The following INO80 variants were observed in gnomAD, a reference collection of about 807,000 sequenced individuals.
The protein encoded by INO80 is chromatin-remodeling ATPase INO80.
INO80 carries 20 observed loss-of-function variants against 203.4 expected under a neutral mutation model. That is an observed-to-expected ratio of 0.10 (90% CI 0.07 to 0.14). The LOEUF (loss-of-function observed/expected upper bound fraction) is 0.14, where lower values mean the gene tolerates loss of function less well. INO80 is among the 10% of genes least tolerant of loss of function. INO80 has a pLI of 1.00. For synonymous variants in INO80, 726 were observed against 685.2 expected (o/e 1.06, Z -0.93); for missense variants, 1,419 against 1,914.4 (o/e 0.74, Z 4.83).
chr15:41,068,212 A>G (rs1298347380), intron 14 of INO80, among the ~76,000 whole-genome samples: 1 of 151,964 alleles, frequency 6.6e-6, no homozygotes, highest in African/African-American at 2.4e-5. Context: ...ACTAGAGGCC[A>G]GGAGTTCAAG....
At chr15:41,058,916 G>T in intron 15 of INO80, 135 bp from the exon 16 acceptor site, 3 of 778,796 alleles carry the variant, frequency 3.9e-6, no homozygotes, top group Non-Finnish European at 6.1e-6. Flanking sequence ...ATGGTAGGGA[G>T]ATGTGCAGTG....
At chr15:41,022,983 C>A (rs2044316746) in intron 25 of INO80, among the ~76,000 whole-genome samples, 1 of 151,746 alleles carries the variant, frequency 6.6e-6, no homozygotes, top group Admixed American at 6.6e-5. Context: ...CACCTCTAAT[C>A]CCAGATAGTT....
chr15:41,075,345 C>CA (rs1444307852), intron 9 of INO80, among the ~76,000 whole-genome samples: 1 of 151,536 alleles, frequency 6.6e-6, no homozygotes, highest in Non-Finnish European at 1.5e-5. Context: ...ATCTGAGCCT[C>CA]ACCGTAACCT....
intron 24 of INO80, among the ~76,000 whole-genome samples, chr15:41,040,429 T>C (rs1015120335): frequency 3.9e-5 from 6 of 152,174 alleles, no homozygotes; most frequent in Non-Finnish European, 7.3e-5. Flanking sequence ...AACACATATA[T>C]AGACACCTGC....
At chr15:41,052,703 A>G (rs2044899251) in intron 19 of INO80, among the ~76,000 whole-genome samples, 2 of 148,372 alleles carry the variant, frequency 1.3e-5, no homozygotes, top group Non-Finnish European at 1.5e-5. Context: ...AAAAAAATAC[A>G]AGGGGAAAAA....
At chr15:41,086,005 G>A (rs2045557242) in intron 6 of INO80, among the ~76,000 whole-genome samples, 1 of 152,082 alleles carries the variant, frequency 6.6e-6, no homozygotes, top group South Asian at 2.1e-4. Flanking sequence ...GACTACAGGC[G>A]CGTGGCAAGA....
intron 19 of INO80, among the ~76,000 whole-genome samples, chr15:41,051,688 C>T (rs1188055738): frequency 1.3e-5 from 2 of 152,130 alleles, no homozygotes; most frequent in Non-Finnish European, 2.9e-5. Context: ...GGCATAGTGG[C>T]TCATGCCTAT....
rs544076740 is a variant in INO80 at position 41,023,807 on chromosome 15, C to CAA, written c.3049-2684_3049-2683dup. 9.2e-3 allele frequency among the ~76,000 whole-genome samples: 1,028 copies of CAA among 111,432 alleles called. 18 individuals are homozygous for CAA. The highest frequency in any genetic ancestry group is 0.03 in the African/African-American group (929 of 30,680). 73.1% of individuals were successfully genotyped at this position (111,432 alleles called of 152,430 possible). ...AACAAAACAAAACGAAAAAAAGAAA[C>CAA]AAAAAAAAACAACAAAAAAACCTCA... On this transcript the variant is annotated intron_variant, in intron 25 of 35. Coordinates refer to ENST00000648947, the MANE Select transcript of INO80 (RefSeq NM_017553.3).
At position 41,027,582 on chromosome 15, in the gene INO80, C is replaced by A; in HGVS notation, c.3048+14G>T. 1 of 1,589,784 alleles carries A rather than the reference C, an allele frequency of 6.3e-7. No homozygotes were observed. Among genetic ancestry groups the A allele is most frequent in the Non-Finnish European group, 8.6e-7 (1 of 1,167,762 alleles). ...TTGCCATCTATTTCATCTCTTCCCTCCTGGAGCACTTACTCGTGGACTGGC... is the reference window on the plus strand; with the variant it reads ...TTGCCATCTATTTCATCTCTTCCCTACTGGAGCACTTACTCGTGGACTGGC... On this transcript the variant is annotated intron_variant, in intron 25 of 35. Coordinates refer to ENST00000648947, the MANE Select transcript of INO80 (RefSeq NM_017553.3).
At chr15:41,035,716 G>C (rs1187157394) in intron 24 of INO80, among the ~76,000 whole-genome samples, 1 of 149,388 alleles carries the variant, frequency 6.7e-6, no homozygotes, top group Non-Finnish European at 1.5e-5. Flanking sequence ...CAGCTACTCG[G>C]GAGGCTGACG....
At chr15:41,023,705 G>C (rs192453165) in intron 25 of INO80, among the ~76,000 whole-genome samples, 7 of 128,008 alleles carry the variant, frequency 5.5e-5, no homozygotes, top group Non-Finnish European at 1.1e-4. Flanking sequence ...AGAGGTGGAG[G>C]TTACAGTGAG....
intron 14 of INO80, among the ~76,000 whole-genome samples, chr15:41,065,392 G>C (rs1315397809): frequency 6.6e-6 from 1 of 152,006 alleles, no homozygotes; most frequent in African/African-American, 2.4e-5. Flanking sequence ...CCAAGATCAC[G>C]CCACTGCACT....
Position 40,984,081 on chromosome 15 carries a change from A to G in INO80, c.4077+116T>C, listed in dbSNP as rs796343339. 93 of 1,353,766 alleles carry G rather than the reference A, an allele frequency of 6.9e-5. No individual in the cohort carries two copies. In the African/African-American group the frequency reaches 8.0e-4, roughly 12 times the overall value. The allele number at this position is 1,353,766 out of a possible 1,614,324, so 83.9% of individuals were successfully genotyped here. The stretch of plus-strand genomic sequence containing the variant: ...TCCTTACAGACCTCATGTGCAACCT[A>G]CTTCAACAAGGCTGGAGAACTCCAG... On this transcript the variant is annotated intron_variant, in intron 33 of 35. Coordinates refer to ENST00000648947, the MANE Select transcript of INO80 (RefSeq NM_017553.3).
At chr15:41,076,351 C>T (rs752606055) in intron 9 of INO80, among the ~76,000 whole-genome samples, 1 of 150,514 alleles carries the variant, frequency 6.6e-6, no homozygotes, top group Non-Finnish European at 1.5e-5. Flanking sequence ...CAGAGCAAGA[C>T]TCTGTCTCAA....
intron 24 of INO80, among the ~76,000 whole-genome samples, chr15:41,032,487 A>G (rs1474349710): frequency 2.0e-5 from 3 of 152,210 alleles, no homozygotes; most frequent in African/African-American, 7.2e-5. Flanking sequence ...AAATGATGAT[A>G]TAGATACAGG....
intron 14 of INO80, among the ~76,000 whole-genome samples, chr15:41,061,537 C>T (rs1254191713): frequency 6.8e-6 from 1 of 147,376 alleles, no homozygotes; most frequent in Non-Finnish European, 1.5e-5. Context: ...GCAGGAAAAT[C>T]GCTTGAACCC....
At chr15:41,058,334 C>T (rs185222121) in intron 16 of INO80, among the ~76,000 whole-genome samples, 44 of 152,196 alleles carry the variant, frequency 2.9e-4, no homozygotes, top group African/African-American at 9.9e-4. Context: ...ATCAGGTACA[C>T]GACTGATGCA....
intron 1 of INO80, among the ~76,000 whole-genome samples, chr15:41,113,831 T>C (rs984204360): frequency 7.9e-5 from 12 of 152,242 alleles, no homozygotes; most frequent in Non-Finnish European, 1.5e-4. Context: ...TTATTAGTCA[T>C]AAACTTTTCT....
chr15:40,984,570 C>T (rs1893950962), intron 32 of INO80, among the ~76,000 whole-genome samples: 1 of 151,696 alleles, frequency 6.6e-6, no homozygotes, highest in Non-Finnish European at 1.5e-5. Flanking sequence ...GCCTGTAATT[C>T]CAACTACTTA....
Sources: allele counts gnomAD v4.1 joint callset (sites outside exome capture counted in the v4.1 genomes callset), GRCh38; gene constraint gnomAD v4.1.1; transcripts MANE v1.5; gene names NCBI Gene and HGNC (gene_info 2026-07-23, HGNC 2026-07-21).